The following KLF12 variants were observed in gnomAD, a reference collection of about 807,000 sequenced individuals.
KLF12 encodes the protein KLF transcription factor 12, also known as Krueppel-like factor 12.
KLF12 carries 9 observed loss-of-function variants against 37.8 expected under a neutral mutation model. The observed-to-expected ratio is 0.24, with a 90% CI of 0.14 to 0.42. KLF12 has a LOEUF of 0.42. Ranked by LOEUF, KLF12 falls within the 10% of genes least tolerant of loss-of-function variation. KLF12 has a pLI of 1.00. For synonymous variants in KLF12, 208 were observed against 202.1 expected (o/e 1.03, Z -0.25); for missense variants, 411 against 516.0 (o/e 0.80, Z 1.97).
At chr13:73,713,900 T>C (rs1388962691) in intron 7 of KLF12, among the ~76,000 whole-genome samples, 5 of 152,220 alleles carry the variant, frequency 3.3e-5, no homozygotes, top group Admixed American at 1.3e-4. Flanking sequence ...TGATTCATTG[T>C]AGAAAGTCAT....
intron 4 of KLF12, chr13:73,845,202 A>G (rs1884949557): frequency 6.6e-6 from 1 of 152,188 alleles, no homozygotes; most frequent in Non-Finnish European, 1.5e-5. Context: ...TATTTCCAGT[A>G]TATTGAGTCA....
intron 6 of KLF12, among the ~76,000 whole-genome samples, chr13:73,737,660 C>T (rs1036230955): frequency 3.3e-5 from 5 of 152,056 alleles, no homozygotes; most frequent in Admixed American, 2.0e-4. Context: ...TTAAAATATA[C>T]TTTAATATAG....
the KLF12 span, among the ~76,000 whole-genome samples, chr13:74,216,152 C>A: frequency 6.6e-6 from 1 of 152,164 alleles, no homozygotes. Context: ...CTTTCAAATT[C>A]TTTTTATCTC....
chr13:73,979,648 A>C (rs1891638540), intron 2 of KLF12, among the ~76,000 whole-genome samples: 1 of 152,212 alleles, frequency 6.6e-6, no homozygotes, highest in Non-Finnish European at 1.5e-5. Context: ...AAAAGCAATC[A>C]ATCATTATGA....
rs1382871195 is a variant in KLF12, at chr13:73,889,364, T to C, written c.124-42991A>G. Among the ~76,000 whole-genome samples, 4 of 152,324 alleles carry C rather than the reference T, an allele frequency of 2.6e-5. 1 individual carries two copies. Among genetic ancestry groups the C allele is most frequent in the Non-Finnish European group, 4.4e-5 (3 of 68,014 alleles). ...ACTAGGGTCTAAGTTCAAATTACAC[T>C]AAGTAGTATTCATCATACTGTCTTT... On this transcript the variant is annotated intron_variant, in intron 3 of 7. Coordinates refer to ENST00000377669, the MANE Select transcript of KLF12 (RefSeq NM_007249.5).
the KLF12 span, among the ~76,000 whole-genome samples, chr13:74,211,909 T>C: frequency 1.1e-4 from 16 of 152,324 alleles, no homozygotes; most frequent in African/African-American, 3.8e-4. Context: ...GTGACCTCAT[T>C]CACTGATCTT....
chr13:73,961,797 G>A (rs1426708187), intron 2 of KLF12, among the ~76,000 whole-genome samples: 1 of 152,146 alleles, frequency 6.6e-6, no homozygotes, highest in Non-Finnish European at 1.5e-5. Flanking sequence ...ACAACGAGAT[G>A]CCATTACACA....
the KLF12 span, among the ~76,000 whole-genome samples, chr13:74,220,470 G>A: frequency 6.6e-6 from 1 of 152,128 alleles, no homozygotes; most frequent in South Asian, 2.1e-4. Context: ...TATACAAAGT[G>A]GAATGGTGAA....
At chr13:74,073,738 G>A (rs562178178) in intron 1 of KLF12, among the ~76,000 whole-genome samples, 1 of 152,216 alleles carries the variant, frequency 6.6e-6, no homozygotes, top group Admixed American at 6.5e-5. Flanking sequence ...GGGGAATGCA[G>A]TGTGAGGGAA....
the KLF12 span, among the ~76,000 whole-genome samples, chr13:74,182,183 C>G: frequency 1.3e-5 from 2 of 152,078 alleles, no homozygotes; most frequent in African/African-American, 4.8e-5. Context: ...CTGCTTTTAT[C>G]TATATTTGAA....
intron 6 of KLF12, among the ~76,000 whole-genome samples, chr13:73,727,758 C>T (rs1208702185): frequency 2.6e-5 from 4 of 151,096 alleles, no homozygotes; most frequent in East Asian, 1.9e-4. Flanking sequence ...AGTGCAGTGG[C>T]GTGATCTTGG....
intron 6 of KLF12, among the ~76,000 whole-genome samples, chr13:73,738,189 G>A (rs551882709): frequency 7.6e-4 from 101 of 133,738 alleles, no homozygotes; most frequent in Non-Finnish European, 1.4e-3. Context: ...CTGTCACCCA[G>A]GCTAGAGTGC....
the KLF12 span, among the ~76,000 whole-genome samples, chr13:74,272,303 C>T: frequency 1.3e-5 from 2 of 152,088 alleles, no homozygotes; most frequent in African/African-American, 4.8e-5. Context: ...TTAAGACTCC[C>T]CTGATGTTCC....
the KLF12 span, among the ~76,000 whole-genome samples, chr13:74,154,860 G>A: frequency 6.6e-6 from 1 of 152,304 alleles, no homozygotes; most frequent in Non-Finnish European, 1.5e-5. Context: ...TCTCCGTATA[G>A]CTTGAACAGG....
chr13:73,823,771 T>C (rs1883672815), intron 4 of KLF12, among the ~76,000 whole-genome samples: 1 of 152,100 alleles, frequency 6.6e-6, no homozygotes, highest in African/African-American at 2.4e-5. Flanking sequence ...AGTGCAATGG[T>C]GTGATCTTGG....
rs924591849 is a variant in KLF12, at chr13:73,687,581, A to G, written c.*7909T>C. ...ACTTTTTATGATTTTTTTTTTTGCCATATCTTTGGAGCATGAAATTAGCAG... is the reference window on the plus strand; with the variant it reads ...ACTTTTTATGATTTTTTTTTTTGCCGTATCTTTGGAGCATGAAATTAGCAG... On this transcript the variant is annotated 3_prime_UTR_variant, in exon 8 of 8. Coordinates refer to ENST00000377669, the MANE Select transcript of KLF12 (RefSeq NM_007249.5). 9 of 151,816 alleles carry G rather than the reference A, an allele frequency of 5.9e-5. No individual in the cohort carries two copies. The South Asian group carries it at 8.3e-4, about 14-fold the overall frequency. The allele number at this position is 151,816 out of a possible 1,614,324, so 9.4% of individuals were successfully genotyped here.
At chr13:74,032,315 T>C (rs552330374) in intron 1 of KLF12, among the ~76,000 whole-genome samples, 23 of 152,286 alleles carry the variant, frequency 1.5e-4, no homozygotes, top group Admixed American at 8.5e-4. Flanking sequence ...AATACTTTCT[T>C]ATATGTATCT....
chr13:73,722,742 A>G (rs552517805), intron 6 of KLF12, among the ~76,000 whole-genome samples: 1 of 152,362 alleles, frequency 6.6e-6, no homozygotes, highest in African/African-American at 2.4e-5. Context: ...ATGCGTCAAA[A>G]AGCTCAATCT....
intron 6 of KLF12, among the ~76,000 whole-genome samples, chr13:73,735,917 G>C (rs1352717139): frequency 6.6e-6 from 1 of 151,360 alleles, no homozygotes; most frequent in African/African-American, 2.4e-5. Context: ...CCAAGTACTT[G>C]TCTTTGCCCT....
Sources: allele counts gnomAD v4.1 joint callset (sites outside exome capture counted in the v4.1 genomes callset), GRCh38; gene constraint gnomAD v4.1.1; transcripts MANE v1.5; gene names NCBI Gene and HGNC (gene_info 2026-07-23, HGNC 2026-07-21).